The following TMEM108 variants were observed in gnomAD, a reference collection of about 807,000 sequenced individuals.
The protein encoded by TMEM108 is transmembrane protein 108.
A neutral mutation model predicts 35.1 loss-of-function variants in TMEM108; 12 were observed. The ratio of observed to expected loss-of-function variants is 0.34; its 90% CI spans 0.22 to 0.55. The LOEUF (loss-of-function observed/expected upper bound fraction) is 0.55, where lower values mean the gene tolerates loss of function less well. TMEM108 is among the 20% of genes least tolerant of loss of function. The pLI is 0.89. For missense variants in TMEM108, 680 were observed against 753.3 expected, an observed-to-expected ratio of 0.90 and a Z score of 1.14; for synonymous variants, 287 against 308.6, an observed-to-expected ratio of 0.93 and a Z score of 0.73.
chr3:133,326,235 TCAAAACA>T (rs977389415), intron 3 of TMEM108, among the ~76,000 whole-genome samples: 3 of 152,132 alleles, frequency 2.0e-5, no homozygotes, highest in Non-Finnish European at 4.4e-5. Context: ...AGTCTAATGG[TCAAAACA>T]CATGTACTAG....
At position 133,294,753 on chromosome 3, in the gene TMEM108, A is replaced by G. The variant is rs567351631; in HGVS notation, c.40+65402A>G. 3.3e-5 allele frequency among the ~76,000 whole-genome samples: 5 copies of G among 152,360 alleles called. No individual in the cohort carries two copies. In the South Asian group the frequency reaches 1.0e-3, roughly 32 times the overall value. On this transcript the variant is annotated intron_variant, in intron 3 of 5. Coordinates refer to ENST00000321871, the MANE Select transcript of TMEM108 (RefSeq NM_023943.4). ...GGTGAAGTTCAGGAAATTGTAGGCC[A>G]GCACATTCCCTTTAATAATGTTGGC...
At chr3:133,096,308 A>C (rs1944014064) in intron 2 of TMEM108, among the ~76,000 whole-genome samples, 1 of 152,168 alleles carries the variant, frequency 6.6e-6, no homozygotes, top group Admixed American at 6.6e-5. Flanking sequence ...ACAGGCATGC[A>C]CGACCACATG....
intron 3 of TMEM108, among the ~76,000 whole-genome samples, chr3:133,342,544 G>GATATATATATATATATATA (rs2071688329): frequency 6.4e-5 from 3 of 46,640 alleles, no homozygotes; most frequent in African/African-American, 2.7e-4. Context: ...AGAAAATGTG[G>GATATATATATATATATATA]TATATATATA....
intron 2 of TMEM108, among the ~76,000 whole-genome samples, chr3:133,080,832 C>A (rs951666953): frequency 1.3e-5 from 2 of 152,032 alleles, no homozygotes; most frequent in Non-Finnish European, 2.9e-5. Context: ...TTTTTAAATA[C>A]TAGGACTTGC....
At chr3:133,115,324 ATAATAT>A (rs1414612033) in intron 2 of TMEM108, among the ~76,000 whole-genome samples, 23 of 152,234 alleles carry the variant, frequency 1.5e-4, no homozygotes, top group African/African-American at 5.5e-4. Flanking sequence ...CTGACTAATA[ATAATAT>A]TAATAGCAGC....
intron 3 of TMEM108, among the ~76,000 whole-genome samples, chr3:133,376,641 A>G (rs549055501): frequency 5.9e-5 from 9 of 152,194 alleles, no homozygotes; most frequent in African/African-American, 1.4e-4. Context: ...CAGGCAGACA[A>G]TTTGAGGTGC....
chr3:133,146,977 C>G (rs1944730680), intron 2 of TMEM108, among the ~76,000 whole-genome samples: 1 of 151,996 alleles, frequency 6.6e-6, no homozygotes, highest in Non-Finnish European at 1.5e-5. Context: ...CTGCTCTGAT[C>G]TTAGTTATTT....
intron 3 of TMEM108, chr3:133,253,408 C>T (rs1168548383): frequency 1.3e-5 from 2 of 152,106 alleles, no homozygotes; most frequent in African/African-American, 4.8e-5. Flanking sequence ...TCAACTCTTC[C>T]TAGTCTCTGA....
At chr3:133,236,051 T>C (rs112917075) in intron 3 of TMEM108, among the ~76,000 whole-genome samples, 1 of 152,244 alleles carries the variant, frequency 6.6e-6, no homozygotes, top group African/African-American at 2.4e-5. Context: ...GCAATTATTA[T>C]TTTATGAGAA....
rs980626566 is a variant in TMEM108 at position 133,346,111 on chromosome 3, T to C, written c.41-33641T>C. On this transcript the variant is annotated intron_variant, in intron 3 of 5. Transcript: ENST00000321871. The surrounding 1 kb of genome is among the most constrained non-coding windows in gnomAD (Gnocchi z 4.0). ...TAGCTATAAGCATTCATGTGTAGGATTCTGTGTGAACTTAAATTTTCAATT... is the reference window on the plus strand; with the variant it reads ...TAGCTATAAGCATTCATGTGTAGGACTCTGTGTGAACTTAAATTTTCAATT... 2.0e-5 allele frequency among the ~76,000 whole-genome samples: 3 copies of C among 151,956 alleles called. No homozygotes were observed. Among genetic ancestry groups the C allele is most frequent in the Non-Finnish European group, 4.4e-5 (3 of 67,850 alleles).
intron 3 of TMEM108, chr3:133,378,568 G>A (rs2072911101): frequency 1.0e-6 from 1 of 984,398 alleles, no homozygotes; most frequent in Non-Finnish European, 1.2e-6. Flanking sequence ...TCAGAATCAG[G>A]CCTCAGAGGA....
Position 133,380,275 on chromosome 3 carries a change from T to C in TMEM108, c.564T>C (p.Gly188=), listed in dbSNP as rs892005281. The C allele has an allele frequency of 8.7e-6, 14 of 1,613,830 alleles. No individual in the cohort carries two copies. In the African/African-American group the frequency reaches 1.7e-4, roughly 20 times the overall value. ...CACGCCCTGTCCCGCCTGCACCTGG[T>C]GGCCACTCCAGGAGTAAAGAAGGAC... ...NSSRPVPPAP[G]GHSRSKEGQR... Residue 188 remains glycine, a synonymous_variant, in exon 4 of 6, where the codon GGT becomes GGC. Transcript: ENST00000321871. The surrounding 1 kb of genome is among the most constrained non-coding windows in gnomAD (Gnocchi z 5.3).
At chr3:133,244,289 T>C (rs1946354381) in intron 3 of TMEM108, among the ~76,000 whole-genome samples, 1 of 152,220 alleles carries the variant, frequency 6.6e-6, no homozygotes, top group African/African-American at 2.4e-5. Flanking sequence ...TCCTCCCATC[T>C]CTCTGAATAT....
chr3:133,122,728 T>C (rs535257142), intron 2 of TMEM108, among the ~76,000 whole-genome samples: 76 of 152,066 alleles, frequency 5.0e-4, no homozygotes, highest in African/African-American at 1.8e-3. Flanking sequence ...CTCGGTGTGG[T>C]TGCAGGTGCC....
chr3:133,215,739 C>A (rs1945898147), intron 2 of TMEM108, among the ~76,000 whole-genome samples: 1 of 152,102 alleles, frequency 6.6e-6, no homozygotes, highest in African/African-American at 2.4e-5. Flanking sequence ...TCTGTACTCA[C>A]AAATAATAGT....
chr3:133,167,892 G>A (rs578256490), intron 2 of TMEM108, among the ~76,000 whole-genome samples: 10 of 152,132 alleles, frequency 6.6e-5, no homozygotes, highest in Admixed American at 6.5e-4. Flanking sequence ...GGGCACCGAG[G>A]CTGAGGAGGC....
At chr3:133,387,113 C>T (rs990732877) in intron 4 of TMEM108, 2 of 985,370 alleles carry the variant, frequency 2.0e-6, no homozygotes, top group Non-Finnish European at 2.4e-6. Flanking sequence ...ACCCAATAGT[C>T]ATATAACACA....
chr3:133,220,152 C>T (rs1945968878), intron 2 of TMEM108, among the ~76,000 whole-genome samples: 1 of 150,156 alleles, frequency 6.7e-6, no homozygotes, highest in Admixed American at 6.6e-5. Flanking sequence ...ACCCTGCTCT[C>T]TTTTTATTTC....
At chr3:133,220,770 C>T (rs887436823) in intron 2 of TMEM108, among the ~76,000 whole-genome samples, 2 of 152,066 alleles carry the variant, frequency 1.3e-5, no homozygotes, top group Non-Finnish European at 2.9e-5. Context: ...GGCTCAGTCC[C>T]ACAAGACTGC....
Sources: allele counts gnomAD v4.1 joint callset (sites outside exome capture counted in the v4.1 genomes callset), GRCh38; gene constraint gnomAD v4.1.1; non-coding constraint Gnocchi (gnomAD v3.1); transcripts MANE v1.5; gene names NCBI Gene and HGNC (gene_info 2026-07-23, HGNC 2026-07-21).